The following TMEM45A variants were observed in gnomAD, a reference collection of about 807,000 sequenced individuals.
TMEM45A encodes the protein DNA polymerase-transactivated protein 4.
Under a neutral mutation model 32.0 loss-of-function variants are expected in TMEM45A, and 25 were observed. That is an observed-to-expected ratio of 0.78 (90% CI 0.57 to 1.09). TMEM45A has a LOEUF of 1.09. TMEM45A is among the 50% of genes least tolerant of loss of function. The pLI is 0.00. For synonymous variants in TMEM45A, 122 were observed against 114.8 expected (o/e 1.06, Z -0.40); for missense variants, 302 against 325.0 (o/e 0.93, Z 0.54).
chr3:100,555,617 T>A (rs905965027), intron 2 of TMEM45A, among the ~76,000 whole-genome samples: 1 of 152,250 alleles, frequency 6.6e-6, no homozygotes, highest in African/African-American at 2.4e-5. Flanking sequence ...TAGAAGACTT[T>A]AGCCTTCTGC....
chr3:100,514,697 A>G lies in TMEM45A; in HGVS notation c.-4+21769A>G, dbSNP rs532356873. 9.8e-3 allele frequency among the ~76,000 whole-genome samples: 1,495 copies of G among 152,228 alleles called. 22 individuals carry two copies. The highest frequency in any genetic ancestry group is 0.035 in the African/African-American group (1,445 of 41,520). On this transcript the variant is annotated intron_variant, in intron 1 of 5. Transcript: ENST00000323523. Reference sequence around the variant, plus strand: ...CATCAGAGTGAACAGGCAACCTACAAAATGGGAGAAAATGTTCGCAACCTA... The same window carrying G: ...CATCAGAGTGAACAGGCAACCTACAGAATGGGAGAAAATGTTCGCAACCTA...
chr3:100,546,279 G>C lies in TMEM45A; in HGVS notation c.-3-8930G>C, dbSNP rs564413701. ...TTGATAGCCCAGTGAGATCTGTGTT[G>C]AATATCTGACCCATAGAACGGTAAT... On this transcript the variant is annotated intron_variant, in intron 1 of 5. Coordinates refer to ENST00000323523, the MANE Select transcript of TMEM45A (RefSeq NM_018004.3). Among the ~76,000 whole-genome samples, 13 of 152,318 alleles carry C rather than the reference G, an allele frequency of 8.5e-5. No homozygotes were observed. In the South Asian group the frequency reaches 2.3e-3, roughly 27 times the overall value.
chr3:100,496,839 AAAAT>A lies in TMEM45A; in HGVS notation c.-4+3917_-4+3920del, dbSNP rs1400839147. Among the ~76,000 whole-genome samples the A allele has an allele frequency of 3.9e-5, 6 of 152,232 alleles. No individual in the cohort carries two copies. In the East Asian group the frequency reaches 1.2e-3, roughly 29 times the overall value. On this transcript the variant is annotated intron_variant, in intron 1 of 5. Transcript: ENST00000323523. ...TGTGACCACACTATTTTTATTTAAA[AAAAT>A]AAATAGAGAGACTATGAAATGTCCC... is the stretch of plus-strand genomic sequence containing the variant.
chr3:100,518,220 C>A (rs573328674), intron 1 of TMEM45A, among the ~76,000 whole-genome samples: 1 of 152,326 alleles, frequency 6.6e-6, no homozygotes, highest in Non-Finnish European at 1.5e-5. Flanking sequence ...TGCCTCTATG[C>A]TTTCAGGTCG....
chr3:100,518,132 T>C (rs1041262890), intron 1 of TMEM45A, among the ~76,000 whole-genome samples: 2 of 152,226 alleles, frequency 1.3e-5, no homozygotes, highest in Admixed American at 6.6e-5. Context: ...AAGGAAGCCA[T>C]TCTTCTCAAA....
intron 5 of TMEM45A, 24 bp from the exon 6 acceptor site, chr3:100,576,901 T>C: frequency 3.9e-6 from 6 of 1,547,326 alleles, no homozygotes; most frequent in Non-Finnish European, 5.4e-6. Context: ...CCGTCTAACT[T>C]GAGATGCTTT....
intron 1 of TMEM45A, among the ~76,000 whole-genome samples, chr3:100,497,716 G>A (rs1242101645): frequency 2.0e-5 from 3 of 152,100 alleles, no homozygotes; most frequent in African/African-American, 4.8e-5. Context: ...TATCATCCAT[G>A]TTGTGGTATG....
intron 1 of TMEM45A, among the ~76,000 whole-genome samples, chr3:100,509,619 G>T (rs1354522153): frequency 6.6e-6 from 1 of 152,224 alleles, no homozygotes; most frequent in Non-Finnish European, 1.5e-5. Context: ...GAGGAGCCAA[G>T]ATGGCCAAAT....
intron 1 of TMEM45A, among the ~76,000 whole-genome samples, chr3:100,532,633 T>C (rs890843245): frequency 6.7e-6 from 1 of 148,848 alleles, no homozygotes; most frequent in Non-Finnish European, 1.5e-5. Context: ...TTGATAATTG[T>C]TCATTGTTCT....
At chr3:100,568,790 T>C (rs544833801) in intron 4 of TMEM45A, 32 bp from the exon 5 acceptor site, 10 of 1,573,542 alleles carry the variant, frequency 6.4e-6, no homozygotes, top group Non-Finnish European at 8.7e-6. Context: ...TGATTGGTTA[T>C]TTTAATATAT....
chr3:100,569,056 G>A (rs572680743), intron 5 of TMEM45A, 89 bp downstream of exon 5: 3 of 1,371,792 alleles, frequency 2.2e-6, no homozygotes, highest in East Asian at 2.3e-5. Context: ...ATTCAAAAGG[G>A]TATTTCATTC....
intron 1 of TMEM45A, among the ~76,000 whole-genome samples, chr3:100,507,638 G>A (rs1001306136): frequency 6.6e-6 from 1 of 152,042 alleles, no homozygotes; most frequent in Non-Finnish European, 1.5e-5. Context: ...ACTAGAGTTG[G>A]GATGCAGGGA....
chr3:100,514,198 A>G (rs1453136421), intron 1 of TMEM45A, among the ~76,000 whole-genome samples: 1 of 152,236 alleles, frequency 6.6e-6, no homozygotes, highest in East Asian at 1.9e-4. Flanking sequence ...ACAAAGCTGG[A>G]GGCATCATGC....
At chr3:100,555,861 C>A (rs931527875) in intron 2 of TMEM45A, among the ~76,000 whole-genome samples, 1 of 152,222 alleles carries the variant, frequency 6.6e-6, no homozygotes. Flanking sequence ...TACACAGTAA[C>A]ATTTCCAAAG....
chr3:100,499,044 G>A (rs917467956), intron 1 of TMEM45A, among the ~76,000 whole-genome samples: 2 of 152,102 alleles, frequency 1.3e-5, no homozygotes, highest in South Asian at 2.1e-4. Context: ...TTTAAAATTA[G>A]GGTTTTTTTT....
At position 100,498,045 on chromosome 3, in the gene TMEM45A, C is replaced by T. The variant is rs1360853705; in HGVS notation, c.-4+5117C>T. On this transcript the variant is annotated intron_variant, in intron 1 of 5. Transcript: ENST00000323523. ...GTGGGAGGTGATTGGATCATGGGGA[C>T]GGTTTCCCCCATGCTGTTCTCATGA... Among the ~76,000 whole-genome samples, 14 of 152,154 alleles carry T rather than the reference C, an allele frequency of 9.2e-5. No individual in the cohort carries two copies. The South Asian group carries it at 1.4e-3, about 16-fold the overall frequency.
intron 1 of TMEM45A, among the ~76,000 whole-genome samples, chr3:100,521,067 C>T (rs752141231): frequency 6.6e-6 from 1 of 152,124 alleles, no homozygotes; most frequent in Non-Finnish European, 1.5e-5. Flanking sequence ...GAACCCCTTT[C>T]GGAGCTAGGA....
chr3:100,503,894 T>C (rs192164894), intron 1 of TMEM45A, among the ~76,000 whole-genome samples: 1 of 152,342 alleles, frequency 6.6e-6, no homozygotes, highest in African/African-American at 2.4e-5. Context: ...GTAGCTTCAC[T>C]CCAGTGTCTG....
intron 1 of TMEM45A, among the ~76,000 whole-genome samples, chr3:100,537,698 A>G (rs1261445115): frequency 6.6e-6 from 1 of 152,262 alleles, no homozygotes; most frequent in African/African-American, 2.4e-5. Context: ...GCCACAGGGC[A>G]TTCTCTGTAG....
Sources: gnomAD v4.1 joint callset for allele counts (sites outside exome capture counted in the v4.1 genomes callset) on GRCh38, gnomAD v4.1.1 for gene constraint, MANE v1.5 for transcripts, NCBI Gene and HGNC (gene_info 2026-07-23, HGNC 2026-07-21) for gene names.